The following ABCA7 variants were observed in gnomAD, a reference collection of about 807,000 sequenced individuals.
ABCA7 encodes the protein ATP binding cassette subfamily A member 7.
In ABCA7, 261 loss-of-function variants were observed where a neutral mutation model predicts 227.6. That is an observed-to-expected ratio of 1.15 (90% confidence interval 1.04 to 1.27). The LOEUF is 1.27. ABCA7 is among the 50% of genes most tolerant of loss of function. The probability of loss-of-function intolerance (pLI) is 0.00; values close to 1 mark genes in which losing one functional copy is unlikely to be tolerated. For synonymous variants in ABCA7, 1,488 were observed against 1,279.7 expected, an observed-to-expected ratio of 1.16 and a Z score of -3.47; for missense variants, 3,331 against 2,924.5, an observed-to-expected ratio of 1.14 and a Z score of -3.21.
intron 18 of ABCA7, 139 bp from the exon 19 acceptor site, chr19:1,050,782 A>T (rs200683129): frequency 2.5e-5 from 9 of 359,102 alleles, no homozygotes; most frequent in East Asian, 2.5e-4. Context: ...TCCGTCTCAA[A>T]AATAATAATA....
At position 1,042,845 on chromosome 19, in the gene ABCA7, C is replaced by T; in HGVS notation, c.579+19C>T. The T allele has an allele frequency of 6.4e-7, 1 of 1,556,268 alleles. No homozygotes were observed. Among genetic ancestry groups the T allele is most frequent in the Non-Finnish European group, 8.7e-7 (1 of 1,153,056 alleles). On this transcript the variant is annotated intron_variant, in intron 7 of 46. Coordinates refer to ENST00000263094, the MANE Select transcript of ABCA7 (RefSeq NM_019112.4). The stretch of plus-strand genomic sequence containing the variant: ...CCAGGAGGTACGAGGCCCCACTCAT[C>T]CTCAACCCCCATGGAGGCAACGTTG...
chr19:1,057,743 AAG>A (rs1409745111), intron 35 of ABCA7, among the ~76,000 whole-genome samples, 170 bp from the exon 36 acceptor site: 2 of 152,058 alleles, frequency 1.3e-5, no homozygotes, highest in East Asian at 3.8e-4. Context: ...ACCTCTAAAA[AAG>A]AAAGAAAGAG....
chr19:1,056,576 G>A lies in ABCA7; in HGVS notation c.4586+77G>A, dbSNP rs1377135280. The stretch of plus-strand genomic sequence containing the variant: ...ATTTCTCTGTCGTTTGGGGTGGTGG[G>A]AGCTGGATTTGAACCCTGACACACT... On this transcript the variant is annotated intron_variant, in intron 33 of 46. Coordinates refer to ENST00000263094, the MANE Select transcript of ABCA7 (RefSeq NM_019112.4). The surrounding 1 kb of genome is among the most constrained non-coding windows in gnomAD (Gnocchi z 4.3). 3 of 1,494,448 alleles carry A rather than the reference G, an allele frequency of 2.0e-6. No individual in the cohort carries two copies. Among genetic ancestry groups the A allele is most frequent in the Non-Finnish European group, 2.7e-6 (3 of 1,109,736 alleles). 92.6% of individuals were successfully genotyped at this position (1,494,448 alleles called of 1,614,324 possible). A position where few individuals can be genotyped will look rare whatever the true frequency, so the allele number is the denominator to read the frequency against.
intron 18 of ABCA7, 139 bp from the exon 19 acceptor site, chr19:1,050,782 A>AAAAAATAATAAT (rs1329198033): frequency 5.6e-6 from 2 of 359,108 alleles, no homozygotes; most frequent in Non-Finnish European, 7.8e-6. Flanking sequence ...TCCGTCTCAA[A>AAAAAATAATAAT]AATAATAATA....
rs142809982 is a variant in ABCA7 at position 1,043,048 on chromosome 19, C to T, written c.587C>T (p.Ala196Val). The T allele has an allele frequency of 1.4e-5, 23 of 1,601,130 alleles. No homozygotes were observed. The African/African-American group carries it at 1.5e-4, about 10-fold the overall frequency. ...CTGGTAACCTCTCTCTAGCTCCTGG[C>T]GCTGCGCAGCCTGGTGGAGCTTCGG... ...AAEDLAQELL[A>V]LRSLVELRAL... Residue 196 changes from alanine (A) to valine (V), a missense_variant, in exon 8 of 47, where the codon GCG becomes GTG. Ala to Val is a moderately conservative substitution (Grantham distance 64, BLOSUM62 0). Coordinates refer to ENST00000263094, the MANE Select transcript of ABCA7 (RefSeq NM_019112.4).
intron 18 of ABCA7, 27 bp from the exon 19 acceptor site, chr19:1,050,894 G>A (rs752778229): frequency 4.5e-6 from 7 of 1,558,342 alleles, no homozygotes; most frequent in South Asian, 1.2e-5. Context: ...TGTGAAGGGG[G>A]CTACTCTGAG....
Position 1,045,112 on chromosome 19 carries a change from A to C in ABCA7, c.1326A>C (p.Gly442=). The change falls in exon 12 of 47, where the codon GGA becomes GGC. Residue 442 remains glycine, a synonymous_variant. Coordinates refer to ENST00000263094, the MANE Select transcript of ABCA7 (RefSeq NM_019112.4). ...TCTGGGCCGGCGTCGTCTTCTTGGG[A>C]CCTGAGGACTCTTCAGACCCCACAG... ...HRFWAGVVFL[G]PEDSSDPTEH... 6.2e-7 allele frequency: 1 copy of C among 1,612,710 alleles called. No individual in the cohort carries two copies. The highest frequency in any genetic ancestry group is 8.5e-7 in the Non-Finnish European group (1 of 1,179,932).
chr19:1,061,716 G>T, intron 40 of ABCA7, 66 bp from the exon 41 acceptor site: 1,595 of 930,630 alleles, frequency 1.7e-3, no homozygotes, highest in Non-Finnish European at 2.3e-3. Flanking sequence ...AAAAAAAAAA[G>T]AAATCAGAGA....
rs112719199 is a variant in ABCA7, at chr19:1,055,314, T to C, written c.4168T>C (p.Phe1390Leu). Reference protein sequence around the residue: ...QNLTGRNLSDFLVKTYPRLVR... With the variant: ...QNLTGRNLSDLLVKTYPRLVR... ...CCTGACAGGCCGGAACCTGTCTGAC[T>C]TCCTGGTCAAGACCTACCCGCGCCT... The change falls in exon 30 of 47, where the codon TTC becomes CTC. Residue 1390 changes from phenylalanine to leucine, a missense_variant. Physicochemically the swap from Phe to Leu is conservative, Grantham distance 22. Transcript: ENST00000263094. 757 of 1,603,240 alleles carry C rather than the reference T, an allele frequency of 4.7e-4. No individual in the cohort carries two copies. Among genetic ancestry groups the C allele is most frequent in the Non-Finnish European group, 6.1e-4 (718 of 1,177,156 alleles).
chr19:1,063,516 C>A (rs1469282480), intron 42 of ABCA7, 28 bp from the exon 43 acceptor site: 1 of 1,607,260 alleles, frequency 6.2e-7, no homozygotes, highest in Non-Finnish European at 8.5e-7. Context: ...ATATGAGTCC[C>A]CATGCCTACT....
chr19:1,047,364 G>A lies in ABCA7; in HGVS notation c.2053G>A (p.Gly685Ser). 1 of 1,568,026 alleles carries A rather than the reference G, an allele frequency of 6.4e-7. No individual in the cohort carries two copies. Among genetic ancestry groups the A allele is most frequent in the South Asian group, 1.1e-5 (1 of 87,900 alleles). Residue 685 changes from glycine to serine, a missense_variant, in exon 15 of 47, where the codon GGC (glycine) becomes AGC (serine). By Grantham distance (56) the Gly-to-Ser change is moderately conservative. Coordinates refer to ENST00000263094, the MANE Select transcript of ABCA7 (RefSeq NM_019112.4). ...TTGGCGGGACCGGCTGCCCGCGGGT[G>A]GCCGCGTGGCCGCGGTGAGAGCCGG... ...VAWRDRLPAG[G>S]RVAASLLSPV...
chr19:1,049,024 T>C lies in ABCA7; in HGVS notation c.2380+19T>C, dbSNP rs1230235368. 2.1e-6 allele frequency: 3 copies of C among 1,444,222 alleles called. No homozygotes were observed. Among genetic ancestry groups the C allele is most frequent in the Non-Finnish European group, 1.9e-6 (2 of 1,056,680 alleles). 89.5% of individuals were successfully genotyped at this position (1,444,222 alleles called of 1,614,324 possible). On this transcript the variant is annotated intron_variant, in intron 17 of 46. Transcript: ENST00000263094. ...CCAAAGGGTGAGGCACTACGAGGCT[T>C]AATAGCTGGTTGTCCACATATGCCC...
chr19:1,042,690 C>T, intron 6 of ABCA7, 56 bp from the exon 7 acceptor site: 3 of 1,555,544 alleles, frequency 1.9e-6, no homozygotes, highest in Non-Finnish European at 2.7e-6. Flanking sequence ...GGCCAGAGCG[C>T]TGGACCCCTA....
In ABCA7 at chr19:1,054,587, C is replaced by A. The variant is rs2042077528; in HGVS notation, c.3744C>A (p.Leu1248=). 1.2e-6 allele frequency: 2 copies of A among 1,611,138 alleles called. No homozygotes were observed. The highest frequency in any genetic ancestry group is 1.3e-5 in the African/African-American group (1 of 74,898). ...GLFAQIVLPA[L]FVGLALVFSL... is the part of the protein sequence containing the mutation. ...TCCCCCAGATCGTGCTGCCTGCCCT[C>A]TTTGTGGGCCTGGCCCTCGTGTTCA... Residue 1248 remains leucine (L), a synonymous_variant, in exon 28 of 47, where the codon CTC becomes CTA. Coordinates refer to ENST00000263094, the MANE Select transcript of ABCA7 (RefSeq NM_019112.4). This position sits in a 1 kb window ranked among gnomAD's most constrained non-coding sequence, Gnocchi z 4.8.
Position 1,043,347 on chromosome 19 carries a change from G to C in ABCA7, c.804G>C (p.Ser268=). 6.2e-7 allele frequency: 1 copy of C among 1,613,104 alleles called. No homozygotes were observed. Among genetic ancestry groups the C allele is most frequent in the Non-Finnish European group, 8.5e-7 (1 of 1,179,982 alleles). Residue 268 remains serine (S), a synonymous_variant, in exon 9 of 47, where the codon TCG becomes TCC. Transcript: ENST00000263094. The part of the protein sequence containing the change: ...LPDSSLSPAC[S]ELIGALDSHP... Reference sequence around the variant, plus strand: ...CCCCCATCCCAGGCCCCGCCTGCTCGGAGCTGATTGGAGCCCTGGACAGCC... The same window carrying C: ...CCCCCATCCCAGGCCCCGCCTGCTCCGAGCTGATTGGAGCCCTGGACAGCC...
Position 1,055,132 on chromosome 19 carries a change from A to G in ABCA7, c.3986A>G (p.Lys1329Arg). The G allele has an allele frequency of 6.2e-7, 1 of 1,612,902 alleles. No individual in the cohort carries two copies. The highest frequency in any genetic ancestry group is 1.7e-4 in the Middle Eastern group (1 of 6,060). ...SAPEVPAEVA[K>R]VLASGNWTPE... The stretch of plus-strand genomic sequence containing the variant: ...CCAGAAGTTCCTGCTGAAGTGGCCA[A>G]GGTCTTGGCCAGTGGCAACTGGACC... Residue 1329 changes from lysine (K) to arginine (R), a missense_variant, in exon 30 of 47, where the codon AAG becomes AGG. Lys to Arg is a conservative substitution (Grantham distance 26, BLOSUM62 2). Transcript: ENST00000263094.
At position 1,063,665 on chromosome 19, in the gene ABCA7, C is replaced by G; in HGVS notation, c.5834C>G (p.Ala1945Gly). Residue 1945 changes from alanine (A) to glycine (G), a missense_variant, in exon 43 of 47, where the codon GCC becomes GGC. Physicochemically the swap from Ala to Gly is moderately conservative, Grantham distance 60 (BLOSUM62 0). Coordinates refer to ENST00000263094, the MANE Select transcript of ABCA7 (RefSeq NM_019112.4). ...GCCCTGGCGCTGGTTGGGGACCCAGCCGTGGTGTTTCTGGTGCGTGGGAGC... is the reference window on the plus strand; with the variant it reads ...GCCCTGGCGCTGGTTGGGGACCCAGGCGTGGTGTTTCTGGTGCGTGGGAGC... ...ATALALVGDP[A>G]VVFLDEPTTG... 6.2e-7 allele frequency: 1 copy of G among 1,605,028 alleles called. No individual in the cohort carries two copies.
chr19:1,049,314 G>T lies in ABCA7; in HGVS notation c.2429G>T (p.Arg810Leu), dbSNP rs140454592. The T allele has an allele frequency of 3.7e-6, 6 of 1,611,212 alleles. No individual in the cohort carries two copies. Among genetic ancestry groups the T allele is most frequent in the Non-Finnish European group, 5.1e-6 (6 of 1,179,082 alleles). ...GGCCTGAGTCCTGGCGTCTCCGTTCGCAGCCTGGAGAAGCGCTTTCCTGGA... is the reference window on the plus strand; with the variant it reads ...GGCCTGAGTCCTGGCGTCTCCGTTCTCAGCCTGGAGAAGCGCTTTCCTGGA... ...PPGLSPGVSVRSLEKRFPGSP... is the reference protein window; with the variant it reads ...PPGLSPGVSVLSLEKRFPGSP... Residue 810 changes from arginine (R) to leucine (L), a missense_variant, in exon 18 of 47, where the codon CGC becomes CTC. Transcript: ENST00000263094.
intron 45 of ABCA7, 57 bp from the exon 46 acceptor site, chr19:1,064,874 G>T: frequency 6.6e-7 from 1 of 1,517,514 alleles, no homozygotes; most frequent in Non-Finnish European, 8.8e-7. Flanking sequence ...TGGAGGGTGA[G>T]CTGAGGTGGG....
Sources: allele counts gnomAD v4.1 joint callset (sites outside exome capture counted in the v4.1 genomes callset), GRCh38; gene constraint gnomAD v4.1.1; non-coding constraint Gnocchi (gnomAD v3.1); transcripts MANE v1.5; gene names NCBI Gene and HGNC (gene_info 2026-07-23, HGNC 2026-07-21).